The following PTPRD variants were observed in gnomAD, a reference collection of about 807,000 sequenced individuals.
PTPRD encodes receptor-type tyrosine-protein phosphatase delta.
PTPRD carries 34 observed loss-of-function variants against 214.5 expected under a neutral mutation model. That is an observed-to-expected ratio of 0.16 (90% CI 0.12 to 0.21). The LOEUF (loss-of-function observed/expected upper bound fraction) is 0.21. PTPRD is among the 10% of genes least tolerant of loss of function. The pLI is 1.00. For synonymous variants in PTPRD, 1,128 were observed against 845.7 expected, an observed-to-expected ratio of 1.33 and a Z score of -5.79; for missense variants, 2,545 against 2,398.7, an observed-to-expected ratio of 1.06 and a Z score of -1.27.
At chr9:9,910,756 G>A (rs1230220275) in intron 5 of PTPRD, among the ~76,000 whole-genome samples, 1 of 151,962 alleles carries the variant, frequency 6.6e-6, no homozygotes, top group African/African-American at 2.4e-5. Flanking sequence ...AATATCGGAT[G>A]AAATTATTAA....
intron 5 of PTPRD, among the ~76,000 whole-genome samples, chr9:9,831,068 T>G (rs1570591): frequency 0.13 from 19,889 of 151,842 alleles, 2,706 homozygotes; most frequent in East Asian, 0.75. Flanking sequence ...AAATGCCTTA[T>G]TTATTATAGC....
At chr9:8,319,260 G>T (rs1307007711) in intron 45 of PTPRD, among the ~76,000 whole-genome samples, 1 of 151,958 alleles carries the variant, frequency 6.6e-6, no homozygotes, top group African/African-American at 2.4e-5. Context: ...ATGCTCAATA[G>T]ACCAGACTGG....
At position 8,772,631 on chromosome 9, in the gene PTPRD, A is replaced by T. The variant is rs371264717; in HGVS notation, c.-103-38685T>A. Among the ~76,000 whole-genome samples the T allele has an allele frequency of 3.3e-5, 5 of 152,286 alleles. No individual in the cohort carries two copies. In the East Asian group the frequency reaches 7.8e-4, roughly 24 times the overall value. ...GCAATCCAGCCTGGGCAATAGAGCA[A>T]GACCTTGTCTCTAAAAAAATAATAA... On this transcript the variant is annotated intron_variant, in intron 11 of 45. Coordinates refer to ENST00000381196, the MANE Select transcript of PTPRD (RefSeq NM_002839.4).
intron 14 of PTPRD, among the ~76,000 whole-genome samples, chr9:8,606,659 C>T (rs183767446): frequency 6.6e-6 from 1 of 152,278 alleles, no homozygotes; most frequent in Admixed American, 6.5e-5. Context: ...CTCCCTTTCT[C>T]CTAAACACCT....
chr9:9,415,796 C>T (rs555324251), intron 8 of PTPRD, among the ~76,000 whole-genome samples: 1 of 152,078 alleles, frequency 6.6e-6, no homozygotes, highest in Non-Finnish European at 1.5e-5. Context: ...GTGAAAGATA[C>T]AAGTGTTTAG....
At chr9:10,384,724 G>A (rs2097883534) in intron 2 of PTPRD, among the ~76,000 whole-genome samples, 1 of 150,272 alleles carries the variant, frequency 6.7e-6, no homozygotes, top group Non-Finnish European at 1.5e-5. Context: ...AAGCATACAT[G>A]ATGCAAATTT....
chr9:10,169,459 G>C (rs1041740839), intron 3 of PTPRD, among the ~76,000 whole-genome samples: 97 of 118,934 alleles, frequency 8.2e-4, no homozygotes, highest in African/African-American at 3.8e-3. Flanking sequence ...GGGCGAAAGA[G>C]CGAGACTCTG....
intron 9 of PTPRD, among the ~76,000 whole-genome samples, chr9:9,198,160 G>A (rs1409655114): frequency 6.6e-6 from 1 of 152,082 alleles, no homozygotes; most frequent in Non-Finnish European, 1.5e-5. Flanking sequence ...ATCTGGTTGA[G>A]CTCACTTATT....
chr9:10,458,759 C>A (rs982254757), intron 2 of PTPRD, among the ~76,000 whole-genome samples: 1 of 151,656 alleles, frequency 6.6e-6, no homozygotes, highest in African/African-American at 2.4e-5. Context: ...TCTGTATTTG[C>A]AAATGATACC....
At chr9:9,539,507 T>G (rs1198754075) in intron 8 of PTPRD, among the ~76,000 whole-genome samples, 2 of 151,886 alleles carry the variant, frequency 1.3e-5, no homozygotes, top group Non-Finnish European at 2.9e-5. Context: ...ATAAAATAAT[T>G]CTTCTTAGAG....
At chr9:8,908,492 C>T (rs536645036) in intron 11 of PTPRD, among the ~76,000 whole-genome samples, 3 of 152,052 alleles carry the variant, frequency 2.0e-5, no homozygotes, top group African/African-American at 4.8e-5. Context: ...TTTTAAATAA[C>T]CCATGGGGTA....
At chr9:10,362,911 G>A (rs972397720) in intron 2 of PTPRD, among the ~76,000 whole-genome samples, 1 of 151,810 alleles carries the variant, frequency 6.6e-6, no homozygotes, top group Non-Finnish European at 1.5e-5. Context: ...AAATAACTTT[G>A]CCTAGTCTCT....
chr9:8,441,812 T>A (rs140651149), intron 34 of PTPRD, among the ~76,000 whole-genome samples: 100 of 152,256 alleles, frequency 6.6e-4, no homozygotes, highest in African/African-American at 2.3e-3. Context: ...ATCAAAGTCA[T>A]CATTATCAGC....
intron 10 of PTPRD, among the ~76,000 whole-genome samples, chr9:9,024,343 T>C (rs1569451583): frequency 1.6e-5 from 1 of 62,880 alleles, no homozygotes; most frequent in African/African-American, 4.6e-5. Context: ...TCTTTGTTTT[T>C]TTTTGTTTGT....
At chr9:10,529,947 T>C (rs2055669088) in intron 2 of PTPRD, among the ~76,000 whole-genome samples, 1 of 151,254 alleles carries the variant, frequency 6.6e-6, no homozygotes. Context: ...GACAAATACC[T>C]AAGGCATGTG....
chr9:8,662,256 C>T (rs981232636), intron 12 of PTPRD, among the ~76,000 whole-genome samples: 1 of 152,114 alleles, frequency 6.6e-6, no homozygotes, highest in Non-Finnish European at 1.5e-5. Flanking sequence ...AGATCAAAAT[C>T]GGTCCCTACA....
At chr9:9,644,067 T>C (rs1005965083) in intron 7 of PTPRD, among the ~76,000 whole-genome samples, 1 of 152,194 alleles carries the variant, frequency 6.6e-6, no homozygotes, top group Non-Finnish European at 1.5e-5. Flanking sequence ...CCTCAAAGTT[T>C]TTTTTCTGTA....
intron 30 of PTPRD, among the ~76,000 whole-genome samples, chr9:8,479,001 C>T (rs1288306989): frequency 6.6e-6 from 1 of 152,156 alleles, no homozygotes. Context: ...TAGCTTTCAT[C>T]TAAATAAAAG....
chr9:8,811,732 T>C (rs1000284769), intron 11 of PTPRD, among the ~76,000 whole-genome samples: 29 of 152,216 alleles, frequency 1.9e-4, no homozygotes, highest in Admixed American at 7.2e-4. Context: ...AAAGTATCTT[T>C]GCCCCCAGAA....
Sources: gnomAD v4.1 joint callset for allele counts (sites outside exome capture counted in the v4.1 genomes callset) on GRCh38, gnomAD v4.1.1 for gene constraint, MANE v1.5 for transcripts, NCBI Gene and HGNC (gene_info 2026-07-23, HGNC 2026-07-21) for gene names.